The following ASB10 variants were observed in gnomAD, a reference collection of about 807,000 sequenced individuals.
The protein encoded by ASB10 is ankyrin repeat and SOCS box containing 10.
In ASB10, 44 loss-of-function variants were observed where a neutral mutation model predicts 35.4. The ratio of observed to expected loss-of-function variants is 1.24; its 90% confidence interval spans 0.98 to 1.60. The LOEUF (loss-of-function observed/expected upper bound fraction) is 1.60. ASB10 is among the 40% of genes most tolerant of loss of function. The probability of loss-of-function intolerance (pLI) is 0.00; values close to 1 mark genes in which losing one functional copy is unlikely to be tolerated. For missense variants in ASB10, 647 were observed against 634.3 expected (o/e 1.02, Z -0.22); for synonymous variants, 294 against 280.4 (o/e 1.05, Z -0.49).
In ASB10 at chr7:151,181,077, G is replaced by C. The variant is rs368799141; in HGVS notation, c.966C>G (p.Thr322=). The C allele has an allele frequency of 6.2e-7, 1 of 1,612,544 alleles. No individual in the cohort carries two copies. Residue 322 remains threonine (T), a synonymous_variant, in exon 3 of 6, where the codon ACC becomes ACG. Transcript: ENST00000420175. ...GGGGCGTGTGTCCCCCATAGTCCAT[G>C]GTGTTGGCGCTGACACCACAGGACA... The part of the protein sequence containing the change: ...LLLSCGVSAN[T]MDYGGHTPLH...
chr7:151,186,827 T>C lies in ASB10; in HGVS notation c.304A>G (p.Ile102Val), dbSNP rs540763666. ...PERWRDFRFNIRALRLWSLTY... is the reference protein window; with the variant it reads ...PERWRDFRFNVRALRLWSLTY... Reference sequence around the variant, plus strand: ...CCCCGGCCCGTACTCAGAGCACGGATGTTGAAGCGGAAATCCCTCCATCGC... The same window carrying C: ...CCCCGGCCCGTACTCAGAGCACGGACGTTGAAGCGGAAATCCCTCCATCGC... The change falls in exon 1 of 6, where the codon ATC becomes GTC. Residue 102 changes from isoleucine to valine, a missense_variant. Transcript: ENST00000420175. 5 of 1,598,636 alleles carry C rather than the reference T, an allele frequency of 3.1e-6. No individual in the cohort carries two copies. The highest frequency in any genetic ancestry group is 2.2e-5 in the East Asian group (1 of 44,494).
rs1801478640 is a variant in ASB10, at chr7:151,181,097, A to G, written c.946T>C (p.Cys316Arg). Reference protein sequence around the residue: ...HAAVVELLLSCGVSANTMDYG... With the variant: ...HAAVVELLLSRGVSANTMDYG... ...TCCATGGTGTTGGCGCTGACACCAC[A>G]GGACAGGAGCAGCTCCACGACAGCT... The change falls in exon 3 of 6, where the codon TGT becomes CGT. Residue 316 changes from cysteine to arginine, a missense_variant. Coordinates refer to ENST00000420175, the MANE Select transcript of ASB10 (RefSeq NM_001142459.2). 1.2e-6 allele frequency: 2 copies of G among 1,612,550 alleles called. No individual in the cohort carries two copies. The highest frequency in any genetic ancestry group is 1.7e-6 in the Non-Finnish European group (2 of 1,179,830).
chr7:151,187,703 G>A, upstream of ASB10: 1 of 1,476,200 alleles, frequency 6.8e-7, no homozygotes, highest in Non-Finnish European at 9.0e-7. The surrounding 1 kb of genome is among the most constrained non-coding windows in gnomAD (Gnocchi z 5.3). Flanking sequence ...GTGGGGAGAG[G>A]AGTTCTTTCC....
chr7:151,186,258 A>C lies in ASB10; in HGVS notation c.584+134T>G, dbSNP rs989375057. The stretch of plus-strand genomic sequence containing the variant: ...CAACGGGTGGATGGCTTGGGAAGTA[A>C]TTGCACCCTGACCCGCGCCCCAAGC... On this transcript the variant is annotated intron_variant, in intron 2 of 5. Coordinates refer to ENST00000420175, the MANE Select transcript of ASB10 (RefSeq NM_001142459.2). 2.6e-6 allele frequency: 3 copies of C among 1,152,224 alleles called. No homozygotes were observed. In the African/African-American group the frequency reaches 4.7e-5, roughly 18 times the overall value. The allele number at this position is 1,152,224 out of a possible 1,614,324, so 71.4% of individuals were successfully genotyped here.
intron 2 of ASB10, among the ~76,000 whole-genome samples, chr7:151,183,026 G>A (rs1257226180): frequency 3.3e-5 from 5 of 152,242 alleles, no homozygotes; most frequent in African/African-American, 7.2e-5. Flanking sequence ...AACTAAAAAT[G>A]TGGGATTATG....
chr7:151,182,831 A>T (rs1801519626), intron 2 of ASB10, among the ~76,000 whole-genome samples: 1 of 152,188 alleles, frequency 6.6e-6, no homozygotes, highest in Admixed American at 6.5e-5. Context: ...AAATGACGAC[A>T]CTTGGCAGGG....
chr7:151,180,271 A>G (rs983529968), intron 3 of ASB10, among the ~76,000 whole-genome samples: 1 of 152,242 alleles, frequency 6.6e-6, no homozygotes, highest in African/African-American at 2.4e-5. Context: ...AGTTGAACCT[A>G]CTTAGGGGAA....
Position 151,180,938 on chromosome 7 carries a change from C to G in ASB10, c.1104+1G>C. ...CCTCCTGCTGCCTGCAGCCCCCATACCTTGGGGAGGGCCCCTGGCCAGACA... is the reference window on the plus strand; with the variant it reads ...CCTCCTGCTGCCTGCAGCCCCCATAGCTTGGGGAGGGCCCCTGGCCAGACA... On this transcript the variant is annotated splice_donor_variant, in intron 3 of 5. Coordinates refer to ENST00000420175, the MANE Select transcript of ASB10 (RefSeq NM_001142459.2). LOFTEE classifies it high-confidence loss of function. The G allele has an allele frequency of 6.6e-7, 1 of 1,523,854 alleles. No homozygotes were observed. The highest frequency in any genetic ancestry group is 8.8e-7 in the Non-Finnish European group (1 of 1,132,744). 94.4% of individuals were successfully genotyped at this position (1,523,854 alleles called of 1,614,324 possible). A position where few individuals can be genotyped will look rare whatever the true frequency, so the allele number is the denominator to read the frequency against.
intron 2 of ASB10, 42 bp downstream of exon 2, chr7:151,186,350 C>T (rs1442442800): frequency 6.5e-7 from 1 of 1,532,882 alleles, no homozygotes; most frequent in African/African-American, 1.4e-5. Flanking sequence ...TCTTTGCTTC[C>T]CTTCAGAGTG....
chr7:151,185,264 G>A (rs573934562), intron 2 of ASB10, among the ~76,000 whole-genome samples: 50 of 151,466 alleles, frequency 3.3e-4, no homozygotes, highest in African/African-American at 5.8e-4. Context: ...GATTACAGGC[G>A]CCTGCCACCA....
At chr7:151,177,484 T>C (rs531662410) in intron 3 of ASB10, among the ~76,000 whole-genome samples, 2 of 152,344 alleles carry the variant, frequency 1.3e-5, no homozygotes, top group Admixed American at 1.3e-4. Flanking sequence ...TGGGCTGGGT[T>C]TTCTGCTGGC....
chr7:151,180,644 A>G (rs112113877), intron 3 of ASB10, among the ~76,000 whole-genome samples: 57 of 152,318 alleles, frequency 3.7e-4, no homozygotes, highest in African/African-American at 1.3e-3. Flanking sequence ...CACTGCCCCC[A>G]GTCCGCCTTT....
At chr7:151,185,670 G>A (rs1801575796) in intron 2 of ASB10, among the ~76,000 whole-genome samples, 1 of 152,176 alleles carries the variant, frequency 6.6e-6, no homozygotes, top group Non-Finnish European at 1.5e-5. Context: ...AGTAGAGAGA[G>A]GGCCTCTATA....
intron 1 of ASB10, 67 bp from the exon 2 acceptor site, chr7:151,186,726 G>C: frequency 6.5e-7 from 1 of 1,546,518 alleles, no homozygotes; most frequent in Non-Finnish European, 8.7e-7. Flanking sequence ...AATGGGGTGA[G>C]GTGGGCAGAG....
Position 151,176,529 on chromosome 7 carries a change from G to GAGAA in ASB10, c.1218+30_1218+33dup, listed in dbSNP as rs1250254796. The GAGAA allele has an allele frequency of 2.0e-6, 3 of 1,532,566 alleles. No homozygotes were observed. In the East Asian group the frequency reaches 7.4e-5, roughly 38 times the overall value. The allele number at this position is 1,532,566 out of a possible 1,614,324, so 94.9% of individuals were successfully genotyped here. A position where few individuals can be genotyped will look rare whatever the true frequency, so the allele number is the denominator to read the frequency against. On this transcript the variant is annotated intron_variant, in intron 4 of 5. Coordinates refer to ENST00000420175, the MANE Select transcript of ASB10 (RefSeq NM_001142459.2). ...CGGGTGGGAGTCTTGGGACCAGGAT[G>GAGAA]AGAAGCTCTATGTTCAGGGCCTTGG...
Position 151,187,167 on chromosome 7 carries a change from A to G in ASB10, c.-37T>C, listed in dbSNP as rs1801616457. 1.9e-6 allele frequency: 3 copies of G among 1,555,400 alleles called. No individual in the cohort carries two copies. Among genetic ancestry groups the G allele is most frequent in the Non-Finnish European group, 2.6e-6 (3 of 1,149,260 alleles). ...AAGGGGAGTGGGGAGGAGGAGAGGT[A>G]TATGCCAAAGGCAGAGAGAGAGAGA... is the stretch of plus-strand genomic sequence containing the variant. On this transcript the variant is annotated 5_prime_UTR_variant, in exon 1 of 6. Coordinates refer to ENST00000420175, the MANE Select transcript of ASB10 (RefSeq NM_001142459.2). This position sits in a 1 kb window ranked among gnomAD's most constrained non-coding sequence, Gnocchi z 5.3.
In ASB10 at chr7:151,178,366, C is replaced by T. The variant is rs554027721; in HGVS notation, c.1105-1690G>A. ...TCCAGTGCAGCAAGCGGGCAAGCCA[C>T]GCAGTGGAGCAGCCTGTGGACAGAC... is the stretch of plus-strand genomic sequence containing the variant. On this transcript the variant is annotated intron_variant, in intron 3 of 5. Coordinates refer to ENST00000420175, the MANE Select transcript of ASB10 (RefSeq NM_001142459.2). Among the ~76,000 whole-genome samples the T allele has an allele frequency of 1.4e-4, 21 of 152,346 alleles. 1 individual carries two copies. The South Asian group carries it at 2.5e-3, about 18-fold the overall frequency.
chr7:151,185,383 T>A (rs1801570447), intron 2 of ASB10, among the ~76,000 whole-genome samples: 1 of 152,102 alleles, frequency 6.6e-6, no homozygotes, highest in Admixed American at 6.5e-5. Flanking sequence ...CCTCCCAAAG[T>A]GCTGGGATTA....
chr7:151,178,176 G>A (rs919149516), intron 3 of ASB10, among the ~76,000 whole-genome samples: 5 of 152,268 alleles, frequency 3.3e-5, no homozygotes, highest in African/African-American at 9.6e-5. Flanking sequence ...TTGAGCCTGG[G>A]AGGCAGAGGT....
Sources: gnomAD v4.1 joint callset for allele counts (sites outside exome capture counted in the v4.1 genomes callset) on GRCh38, gnomAD v4.1.1 for gene constraint, Gnocchi (gnomAD v3.1) non-coding constraint, MANE v1.5 for transcripts, NCBI Gene and HGNC (gene_info 2026-07-23, HGNC 2026-07-21) for gene names.